Variants in CTNNA3 observed in about 807,000 individuals in gnomAD.
The protein encoded by CTNNA3 is catenin alpha-3.
CTNNA3 carries 76 observed loss-of-function variants against 95.7 expected under a neutral mutation model. That is an observed-to-expected ratio of 0.79 (90% CI 0.66 to 0.96). The LOEUF is 0.96. CTNNA3 is among the 40% of genes least tolerant of loss of function. The pLI, the probability that CTNNA3 is intolerant of heterozygous loss-of-function variation, is 0.00. For missense variants in CTNNA3, 1,191 were observed against 1,089.8 expected (o/e 1.09, Z -1.31); for synonymous variants, 431 against 374.4 (o/e 1.15, Z -1.74).
rs528915746 is a variant in CTNNA3 at position 67,751,367 on chromosome 10, G to A, written c.-2+12067C>T. ...CGTCCTGTTGCAGGCCAGAATCAAGGTGCTGTTTTAGACATTTATTTCTGT... is the reference window on the plus strand; with the variant it reads ...CGTCCTGTTGCAGGCCAGAATCAAGATGCTGTTTTAGACATTTATTTCTGT... On this transcript the variant is annotated intron_variant, in intron 1 of 17. Transcript: ENST00000684154. 1.6e-4 allele frequency: 97 copies of A among 612,228 alleles called. 1 individual carries two copies. Among genetic ancestry groups the A allele is most frequent in the South Asian group, 7.1e-4 (42 of 58,792 alleles). The allele number at this position is 612,228 out of a possible 1,614,324, so 37.9% of individuals were successfully genotyped here.
intron 5 of CTNNA3, among the ~76,000 whole-genome samples, chr10:67,483,412 A>G (rs1275104021): frequency 6.7e-6 from 1 of 148,506 alleles, no homozygotes; most frequent in East Asian, 2.0e-4. Context: ...TGTGGCACAT[A>G]TACACCATGG....
chr10:66,331,440 G>A (rs1184250321), intron 12 of CTNNA3, among the ~76,000 whole-genome samples: 3 of 126,872 alleles, frequency 2.4e-5, no homozygotes, highest in African/African-American at 5.9e-5. Flanking sequence ...TGCAAGCTCC[G>A]CCTCCCGGGT....
chr10:66,193,759 C>A (rs2086800337), intron 13 of CTNNA3, among the ~76,000 whole-genome samples: 1 of 152,076 alleles, frequency 6.6e-6, no homozygotes, highest in Non-Finnish European at 1.5e-5. Context: ...TAGCAGATTT[C>A]TTTCTAAAAA....
chr10:66,902,151 T>A (rs1263390466), intron 7 of CTNNA3, among the ~76,000 whole-genome samples: 2 of 152,062 alleles, frequency 1.3e-5, no homozygotes, highest in African/African-American at 4.8e-5. Flanking sequence ...CCTCAGCAAA[T>A]GTAAAAGAAC....
intron 13 of CTNNA3, among the ~76,000 whole-genome samples, chr10:66,141,934 T>G (rs1029828462): frequency 1.3e-5 from 2 of 152,146 alleles, no homozygotes. Flanking sequence ...TCTTTCGCAA[T>G]TATTGTCTCC....
intron 5 of CTNNA3, among the ~76,000 whole-genome samples, chr10:67,232,939 T>A (rs1371917558): frequency 6.6e-6 from 1 of 152,094 alleles, no homozygotes; most frequent in Non-Finnish European, 1.5e-5. Flanking sequence ...GGTAAAGGGA[T>A]CAATTCAACA....
At chr10:66,745,512 A>G (rs1838825988) in intron 9 of CTNNA3, among the ~76,000 whole-genome samples, 1 of 151,938 alleles carries the variant, frequency 6.6e-6, no homozygotes, top group Non-Finnish European at 1.5e-5. Flanking sequence ...CATTTATTAA[A>G]TCATTTAATT....
intron 11 of CTNNA3, among the ~76,000 whole-genome samples, chr10:66,426,931 G>A (rs7911158): frequency 0.12 from 17,833 of 151,230 alleles, 1,520 homozygotes; most frequent in African/African-American, 0.24. Context: ...TTCTCTTTGT[G>A]CTATATATTT....
At chr10:67,327,393 TG>T (rs943937018) in intron 5 of CTNNA3, among the ~76,000 whole-genome samples, 2 of 152,184 alleles carry the variant, frequency 1.3e-5, no homozygotes, top group African/African-American at 4.8e-5. Flanking sequence ...GACCTTTGGA[TG>T]GGGTTTTTTT....
intron 5 of CTNNA3, among the ~76,000 whole-genome samples, chr10:67,282,368 C>A (rs1839434204): frequency 6.6e-6 from 1 of 152,006 alleles, no homozygotes; most frequent in Non-Finnish European, 1.5e-5. Context: ...TAGGTATACT[C>A]CCATGGGAAC....
chr10:67,691,199 T>C (rs1840844019), intron 1 of CTNNA3, among the ~76,000 whole-genome samples: 1 of 152,194 alleles, frequency 6.6e-6, no homozygotes, highest in Admixed American at 6.5e-5. Flanking sequence ...CAGTGCTCAA[T>C]GGTGCCCAGG....
chr10:65,990,549 T>C (rs895751824), intron 15 of CTNNA3, among the ~76,000 whole-genome samples: 5 of 151,900 alleles, frequency 3.3e-5, no homozygotes, highest in African/African-American at 1.2e-4. Flanking sequence ...TCTGTTCATG[T>C]CCTTTGCCCG....
intron 7 of CTNNA3, among the ~76,000 whole-genome samples, chr10:66,801,112 A>G (rs570376367): frequency 1.4e-4 from 21 of 151,540 alleles, no homozygotes; most frequent in African/African-American, 4.8e-4. Context: ...ACCTCTATTC[A>G]ATAATAAGCT....
chr10:67,081,484 G>C (rs1399638073), intron 7 of CTNNA3, among the ~76,000 whole-genome samples: 6 of 152,124 alleles, frequency 3.9e-5, no homozygotes, highest in Non-Finnish European at 8.8e-5. Flanking sequence ...CAATATTGTG[G>C]CTCAGAGAGG....
At chr10:67,567,794 G>C (rs769883032) in intron 3 of CTNNA3, among the ~76,000 whole-genome samples, 37 of 152,070 alleles carry the variant, frequency 2.4e-4, no homozygotes, top group Non-Finnish European at 4.6e-4. Flanking sequence ...ATTTTTAATT[G>C]TAGGCCTCCA....
At chr10:67,745,907 G>A (rs1841372695) in intron 1 of CTNNA3, among the ~76,000 whole-genome samples, 1 of 152,084 alleles carries the variant, frequency 6.6e-6, no homozygotes, top group South Asian at 2.1e-4. Context: ...ATAAGACACT[G>A]ATGAAAGAAA....
At chr10:66,532,467 G>GA (rs56400755) in intron 10 of CTNNA3, among the ~76,000 whole-genome samples, 4,454 of 135,990 alleles carry the variant, frequency 0.033, 225 homozygotes, top group African/African-American at 0.11. Context: ...GTCTCAAAAA[G>GA]AAAAAAAAAA....
chr10:66,172,456 A>C (rs1302615698), intron 13 of CTNNA3, among the ~76,000 whole-genome samples: 2 of 152,054 alleles, frequency 1.3e-5, no homozygotes, highest in Non-Finnish European at 2.9e-5. Flanking sequence ...GTTTGTTTTT[A>C]ATTTTAGACT....
intron 10 of CTNNA3, among the ~76,000 whole-genome samples, chr10:66,532,559 C>T (rs1841507764): frequency 6.6e-6 from 1 of 151,718 alleles, no homozygotes; most frequent in Non-Finnish European, 1.5e-5. Flanking sequence ...GGTTTTAGCA[C>T]TAAGAAGAGT....
Sources: allele counts gnomAD v4.1 joint callset (sites outside exome capture counted in the v4.1 genomes callset), GRCh38; gene constraint gnomAD v4.1.1; transcripts MANE v1.5; gene names NCBI Gene and HGNC (gene_info 2026-07-23, HGNC 2026-07-21).